KCNC1: variants seen among roughly 807,000 people sequenced by gnomAD.
KCNC1 encodes the protein potassium voltage-gated channel subfamily C member 1.
In KCNC1, 8 loss-of-function variants were observed where a neutral mutation model predicts 43.4. The ratio of observed to expected loss-of-function variants is 0.18; its 90% CI spans 0.11 to 0.33. The LOEUF (loss-of-function observed/expected upper bound fraction) is 0.33, where lower values mean the gene tolerates loss of function less well. Among genes scored for constraint, KCNC1 ranks in the 10% least tolerant of loss-of-function variants. The probability of loss-of-function intolerance (pLI) is 1.00; values close to 1 mark genes in which losing one functional copy is unlikely to be tolerated. For synonymous variants in KCNC1, 361 were observed against 360.5 expected, an observed-to-expected ratio of 1.00 and a Z score of -0.01; for missense variants, 420 against 836.0, an observed-to-expected ratio of 0.50 and a Z score of 6.14.
chr11:17,740,192 G>T (rs1027390595), intron 1 of KCNC1, among the ~76,000 whole-genome samples: 1 of 152,308 alleles, frequency 6.6e-6, no homozygotes. Flanking sequence ...TGGGGCAGCT[G>T]CTCCCCTGGC....
Position 17,781,858 on chromosome 11 carries a change from A to G in KCNC1, c.*124A>G, listed in dbSNP as rs564011352. On this transcript the variant is annotated 3_prime_UTR_variant, in exon 4 of 4. Coordinates refer to ENST00000265969, the MANE Select transcript of KCNC1 (RefSeq NM_001112741.2). The surrounding 1 kb of genome is among the most constrained non-coding windows in gnomAD (Gnocchi z 5.1). ...TTTGCCGGACGAGTCCGAGTGGCCC[A>G]GGCATTGTACTAGGACGGACGTAGC... The G allele has an allele frequency of 7.3e-4, 501 of 684,540 alleles. No individual in the cohort carries two copies. The highest frequency in any genetic ancestry group is 1.2e-3 in the Admixed American group (54 of 43,490). 42.4% of individuals were successfully genotyped at this position (684,540 alleles called of 1,614,324 possible).
At position 17,739,341 on chromosome 11, in the gene KCNC1, GAAT is replaced by G. The variant is rs1274040049; in HGVS notation, c.570+2772_570+2774del. 1.3e-5 allele frequency among the ~76,000 whole-genome samples: 2 copies of G among 151,516 alleles called. No individual in the cohort carries two copies. Among genetic ancestry groups the G allele is most frequent in the African/African-American group, 2.4e-5 (1 of 41,090 alleles). The stretch of plus-strand genomic sequence containing the variant: ...GAGTGTGAGAGACTTGTGTGTGTGA[GAAT>G]AAATGTGAGACTCCAGGCGTGTGTG... On this transcript the variant is annotated intron_variant, in intron 1 of 3. Transcript: ENST00000265969. This position sits in a 1 kb window ranked among gnomAD's most constrained non-coding sequence, Gnocchi z 4.2.
At chr11:17,767,046 C>T (rs1043965479) in intron 1 of KCNC1, among the ~76,000 whole-genome samples, 5 of 150,928 alleles carry the variant, frequency 3.3e-5, no homozygotes, top group Admixed American at 2.6e-4. Flanking sequence ...GGCAGAGAAT[C>T]GCTTGAACCC....
In KCNC1 at chr11:17,781,520, AT is replaced by A. The variant is rs767117571; in HGVS notation, c.1694-149del. ...GAGGCGTGCTAGGCTGGCTCAGTGC[AT>A]GGGCAAACCAAGCCAGCTGGAGAAG... On this transcript the variant is annotated intron_variant, in intron 3 of 3. Transcript: ENST00000265969. This position sits in a 1 kb window ranked among gnomAD's most constrained non-coding sequence, Gnocchi z 5.1. 1 of 638,276 alleles carries A rather than the reference AT, an allele frequency of 1.6e-6. No individual in the cohort carries two copies. Among genetic ancestry groups the A allele is most frequent in the Non-Finnish European group, 2.8e-6 (1 of 354,292 alleles). 39.5% of individuals were successfully genotyped at this position (638,276 alleles called of 1,614,324 possible). A position where few individuals can be genotyped will look rare whatever the true frequency, so the allele number is the denominator to read the frequency against.
Position 17,773,441 on chromosome 11 carries a change from A to G in KCNC1, c.1504+843A>G. On this transcript the variant is annotated intron_variant, in intron 2 of 3. Coordinates refer to ENST00000265969, the MANE Select transcript of KCNC1 (RefSeq NM_001112741.2). This position sits in a 1 kb window ranked among gnomAD's most constrained non-coding sequence, Gnocchi z 4.1. Reference sequence around the variant, plus strand: ...CCTGGGCAGCTTAGATGAAAGCGCTACAGACCAGCAACAGCCTCCCACCGA... The same window carrying G: ...CCTGGGCAGCTTAGATGAAAGCGCTGCAGACCAGCAACAGCCTCCCACCGA... 3.0e-6 allele frequency: 3 copies of G among 985,030 alleles called. No homozygotes were observed. Among genetic ancestry groups the G allele is most frequent in the Non-Finnish European group, 3.6e-6 (3 of 829,880 alleles). 61.0% of individuals were successfully genotyped at this position (985,030 alleles called of 1,614,324 possible). A position where few individuals can be genotyped will look rare whatever the true frequency, so the allele number is the denominator to read the frequency against.
chr11:17,735,955 G>T lies in KCNC1; in HGVS notation c.-48G>T, dbSNP rs1848760570. 7.3e-7 allele frequency: 1 copy of T among 1,378,136 alleles called. No homozygotes were observed. Among genetic ancestry groups the T allele is most frequent in the Non-Finnish European group, 9.3e-7 (1 of 1,073,996 alleles). 85.4% of individuals were successfully genotyped at this position (1,378,136 alleles called of 1,614,324 possible). On this transcript the variant is annotated 5_prime_UTR_variant, in exon 1 of 4. Transcript: ENST00000265969. This position sits in a 1 kb window ranked among gnomAD's most constrained non-coding sequence, Gnocchi z 6.7. Reference sequence around the variant, plus strand: ...CCGGCGCCAACTCCCCCTGGCGGCCGCTCCCATGGGTGTCGCTGGGCCGCG... The same window carrying T: ...CCGGCGCCAACTCCCCCTGGCGGCCTCTCCCATGGGTGTCGCTGGGCCGCG...
intron 2 of KCNC1, among the ~76,000 whole-genome samples, chr11:17,778,841 G>A (rs1274361100): frequency 1.3e-5 from 2 of 150,512 alleles, no homozygotes; most frequent in Admixed American, 1.3e-4. Context: ...TTGGGGTCGG[G>A]GGGGTACGGG....
At chr11:17,778,253 G>A (rs1022542862) in intron 2 of KCNC1, among the ~76,000 whole-genome samples, 5 of 152,330 alleles carry the variant, frequency 3.3e-5, no homozygotes, top group African/African-American at 9.6e-5. Context: ...GCTCTGCTCC[G>A]AGATCGCAGA....
intron 1 of KCNC1, among the ~76,000 whole-genome samples, chr11:17,754,043 T>C (rs1848998486): frequency 6.6e-6 from 1 of 152,216 alleles, no homozygotes; most frequent in Non-Finnish European, 1.5e-5. Context: ...ATGAATGACA[T>C]GCATCACTCA....
In KCNC1 at chr11:17,779,819, A is replaced by G. The variant is rs911469490; in HGVS notation, c.1693+175A>G. The G allele has an allele frequency of 4.2e-5, 20 of 479,236 alleles. No individual in the cohort carries two copies. The highest frequency in any genetic ancestry group is 8.0e-5 in the Admixed American group (2 of 24,900). The allele number at this position is 479,236 out of a possible 1,614,324, so 29.7% of individuals were successfully genotyped here. A position where few individuals can be genotyped will look rare whatever the true frequency, so the allele number is the denominator to read the frequency against. On this transcript the variant is annotated intron_variant, in intron 3 of 3. Transcript: ENST00000265969. This position sits in a 1 kb window ranked among gnomAD's most constrained non-coding sequence, Gnocchi z 7.2. Reference sequence around the variant, plus strand: ...TGGAGGGCTGAGGCCCTTCCCCCCAAGTGAGATGTCAGGCTGGCAGAGAGA... The same window carrying G: ...TGGAGGGCTGAGGCCCTTCCCCCCAGGTGAGATGTCAGGCTGGCAGAGAGA...
chr11:17,768,616 G>C (rs573242246), intron 1 of KCNC1, among the ~76,000 whole-genome samples: 10,769 of 151,032 alleles, frequency 0.071, 1,287 homozygotes, highest in African/African-American at 0.23. Flanking sequence ...TGTTGGTGGG[G>C]GGGGGGGCGG....
At chr11:17,754,425 G>A (rs1458901919) in intron 1 of KCNC1, among the ~76,000 whole-genome samples, 2 of 152,242 alleles carry the variant, frequency 1.3e-5, no homozygotes, top group Non-Finnish European at 2.9e-5. Flanking sequence ...CATTGCCAGG[G>A]TAGACGCAGA....
chr11:17,779,223 AC>A lies in KCNC1; in HGVS notation c.1505-230del. The A allele has an allele frequency of 2.2e-6, 1 of 456,590 alleles. No homozygotes were observed. The highest frequency in any genetic ancestry group is 2.0e-5 in the African/African-American group (1 of 50,420). 28.3% of individuals were successfully genotyped at this position (456,590 alleles called of 1,614,324 possible). A position where few individuals can be genotyped will look rare whatever the true frequency, so the allele number is the denominator to read the frequency against. ...TCATCTTTTTGCAAACTTTGAGCAA[AC>A]CCAGGAGTCCCCACTCCCAGCACTG... On this transcript the variant is annotated intron_variant, in intron 2 of 3. Coordinates refer to ENST00000265969, the MANE Select transcript of KCNC1 (RefSeq NM_001112741.2). This position sits in a 1 kb window ranked among gnomAD's most constrained non-coding sequence, Gnocchi z 7.2.
intron 1 of KCNC1, among the ~76,000 whole-genome samples, chr11:17,753,399 G>A (rs943756475): frequency 5.9e-5 from 9 of 152,220 alleles, no homozygotes; most frequent in African/African-American, 9.6e-5. Context: ...TCCTGGTCCC[G>A]GCTTGGACAG....
intron 1 of KCNC1, among the ~76,000 whole-genome samples, chr11:17,770,589 C>T (rs533173245): frequency 1.3e-5 from 2 of 152,326 alleles, no homozygotes; most frequent in African/African-American, 4.8e-5. Context: ...GTACCCATGC[C>T]TGCTGCAGGC....
rs1849256203 is a variant in KCNC1 at position 17,773,679 on chromosome 11, A to G, written c.1504+1081A>G. ...TTATGAGAACCTGCACATAGCACAT[A>G]AAGTTGATCATGGGGCTCTGGTCCG... On this transcript the variant is annotated intron_variant, in intron 2 of 3. Coordinates refer to ENST00000265969, the MANE Select transcript of KCNC1 (RefSeq NM_001112741.2). The surrounding 1 kb of genome is among the most constrained non-coding windows in gnomAD (Gnocchi z 4.1). 1.0e-6 allele frequency: 1 copy of G among 985,428 alleles called. No individual in the cohort carries two copies. Among genetic ancestry groups the G allele is most frequent in the East Asian group, 1.1e-4 (1 of 8,816 alleles). 61.0% of individuals were successfully genotyped at this position (985,428 alleles called of 1,614,324 possible).
chr11:17,743,421 C>T (rs562487793), intron 1 of KCNC1, among the ~76,000 whole-genome samples: 22 of 152,364 alleles, frequency 1.4e-4, no homozygotes, highest in African/African-American at 5.3e-4. Flanking sequence ...TGTCCAGAAC[C>T]TGTCAGCAAG....
chr11:17,779,594 T>G lies in KCNC1; in HGVS notation c.1643T>G (p.Leu548Arg). 1 of 1,551,356 alleles carries G rather than the reference T, an allele frequency of 6.4e-7. No homozygotes were observed. Among genetic ancestry groups the G allele is most frequent in the Non-Finnish European group, 8.7e-7 (1 of 1,146,898 alleles). ...GTRERYGPCF[L>R]LSTGEYACPP... ...CGCGAGAGATACGGACCCTGCTTCC[T>G]CTTATCAACCGGGGAGTACGCGTGC... Residue 548 changes from leucine to arginine, a missense_variant, in exon 3 of 4, where the codon CTC (leucine) becomes CGC (arginine). This residue lies in a region of KCNC1 where 147 missense variants were observed against 176.1 expected (regional missense o/e 0.83). Coordinates refer to ENST00000265969, the MANE Select transcript of KCNC1 (RefSeq NM_001112741.2). This position sits in a 1 kb window ranked among gnomAD's most constrained non-coding sequence, Gnocchi z 7.2.
intron 1 of KCNC1, among the ~76,000 whole-genome samples, chr11:17,769,098 C>T (rs1414917848): frequency 1.3e-5 from 2 of 152,252 alleles, no homozygotes; most frequent in Admixed American, 1.3e-4. Context: ...CTGCCTCTCT[C>T]AAGTGCGCCC....
Sources: allele counts gnomAD v4.1 joint callset (sites outside exome capture counted in the v4.1 genomes callset), GRCh38; gene constraint gnomAD v4.1.1; regional missense constraint gnomAD v4.1.1; non-coding constraint Gnocchi (gnomAD v3.1); transcripts MANE v1.5; gene names NCBI Gene and HGNC (gene_info 2026-07-23, HGNC 2026-07-21).